The following MYO16 variants were observed in gnomAD, a reference collection of about 807,000 sequenced individuals.
MYO16 encodes myosin XVI.
A neutral mutation model predicts 205.3 loss-of-function variants in MYO16; 94 were observed. That is an observed-to-expected ratio of 0.46 (90% confidence interval 0.39 to 0.54). MYO16 has a LOEUF of 0.54. Ranked by LOEUF, MYO16 falls within the 20% of genes least tolerant of loss-of-function variation. MYO16 has a pLI of 0.00. For missense variants in MYO16, 2,315 were observed against 2,387.5 expected (o/e 0.97, Z 0.63); for synonymous variants, 988 against 954.0 (o/e 1.04, Z -0.66).
In MYO16 at chr13:108,672,830, G is replaced by C. The variant is rs370999380; in HGVS notation, c.292+6681G>C. ...TTAAAAATCAGAGAGGAAGTACATA[G>C]GGAAAATTTAAGAAGGAATGTGAAT... On this transcript the variant is annotated intron_variant, in intron 2 of 34. Transcript: ENST00000457511. Among the ~76,000 whole-genome samples the C allele has an allele frequency of 1.6e-4, 25 of 152,242 alleles. No homozygotes were observed. The East Asian group carries it at 4.6e-3, about 28-fold the overall frequency.
chr13:108,632,327 C>T (rs886954924), intron 1 of MYO16, among the ~76,000 whole-genome samples: 5 of 152,086 alleles, frequency 3.3e-5, no homozygotes, highest in Admixed American at 2.0e-4. Context: ...CACCATAGCA[C>T]GTTCACTTTC....
rs909675577 is a variant in MYO16, at chr13:108,936,018, T to C, written c.1926-21670T>C. Among the ~76,000 whole-genome samples the C allele has an allele frequency of 2.6e-5, 4 of 152,072 alleles. No homozygotes were observed. The South Asian group carries it at 8.3e-4, about 32-fold the overall frequency. ...GTGACTTAACTTTTTGATGTACTAT[T>C]GAATTTGTTTTGCTAGTATTTCGTT... On this transcript the variant is annotated intron_variant, in intron 16 of 34. Transcript: ENST00000457511.
intron 33 of MYO16, among the ~76,000 whole-genome samples, chr13:109,173,751 C>T (rs190930059): frequency 1.1e-3 from 169 of 151,828 alleles, no homozygotes; most frequent in Non-Finnish European, 1.8e-3. Context: ...AAAAATTAGC[C>T]GGGCGTGGTG....
chr13:108,802,850 A>G (rs1429412552), intron 6 of MYO16, among the ~76,000 whole-genome samples: 3 of 152,170 alleles, frequency 2.0e-5, no homozygotes, highest in East Asian at 1.9e-4. Flanking sequence ...TCTTGAGCCC[A>G]TTAGCCAATT....
the MYO16 span, among the ~76,000 whole-genome samples, chr13:108,578,019 T>C: frequency 6.6e-6 from 1 of 152,202 alleles, no homozygotes; most frequent in African/African-American, 2.4e-5. Context: ...CTTTATGTTT[T>C]GATCAAAAAA....
chr13:108,844,253 C>T (rs7989143), intron 9 of MYO16, 90 bp from the exon 10 acceptor site: 404,964 of 1,009,448 alleles, frequency 0.4, 84,750 homozygotes, highest in East Asian at 0.72. Flanking sequence ...ATAAAACCAC[C>T]GTCATAGTCC....
At chr13:108,884,293 G>C (rs887329272) in intron 13 of MYO16, among the ~76,000 whole-genome samples, 2 of 152,240 alleles carry the variant, frequency 1.3e-5, no homozygotes, top group Admixed American at 6.5e-5. Flanking sequence ...ACAGACTGAT[G>C]GGCGCACACT....
chr13:108,858,054 A>C (rs1878276336), intron 11 of MYO16, among the ~76,000 whole-genome samples: 1 of 152,210 alleles, frequency 6.6e-6, no homozygotes, highest in Non-Finnish European at 1.5e-5. Flanking sequence ...TGGGTAGACA[A>C]GCAATTTAAA....
At chr13:108,669,351 G>A (rs1240326028) in intron 2 of MYO16, among the ~76,000 whole-genome samples, 1 of 152,000 alleles carries the variant, frequency 6.6e-6, no homozygotes, top group African/African-American at 2.4e-5. Context: ...TGACTTGTTG[G>A]GAGCAAGAAT....
intron 4 of MYO16, among the ~76,000 whole-genome samples, chr13:108,755,197 C>T (rs930803668): frequency 1.2e-4 from 19 of 152,020 alleles, no homozygotes; most frequent in South Asian, 2.1e-4. Context: ...GCTGTCACAG[C>T]ACTCTGTGGT....
intron 16 of MYO16, among the ~76,000 whole-genome samples, chr13:108,923,484 G>T (rs1164465422): frequency 6.6e-6 from 1 of 152,254 alleles, no homozygotes; most frequent in Admixed American, 6.5e-5. Context: ...GGTAAGGGCA[G>T]TGGGGTTTCC....
intron 34 of MYO16, among the ~76,000 whole-genome samples, chr13:109,196,686 G>T (rs1212704901): frequency 6.6e-6 from 1 of 152,158 alleles, no homozygotes; most frequent in African/African-American, 2.4e-5. Context: ...AAGGGCTCCA[G>T]TAATACTGCC....
chr13:108,582,302 C>T, the MYO16 span, among the ~76,000 whole-genome samples: 3 of 152,080 alleles, frequency 2.0e-5, no homozygotes, highest in African/African-American at 7.2e-5. Flanking sequence ...TTCCTCTTGA[C>T]TTTGCATCTT....
intron 20 of MYO16, among the ~76,000 whole-genome samples, chr13:108,967,769 A>C (rs1883852403): frequency 2.6e-5 from 4 of 152,178 alleles, no homozygotes; most frequent in Non-Finnish European, 5.9e-5. Context: ...CATGTAAATT[A>C]CCTGGGGAAG....
intron 2 of MYO16, among the ~76,000 whole-genome samples, chr13:108,701,710 A>G (rs1883314240): frequency 6.6e-6 from 1 of 152,220 alleles, no homozygotes; most frequent in Admixed American, 6.5e-5. Flanking sequence ...AAAGTAGTCA[A>G]CAGAATCTGT....
At chr13:108,529,308 A>C in the MYO16 span, among the ~76,000 whole-genome samples, 403 of 152,286 alleles carry the variant, frequency 2.6e-3, 3 homozygotes, top group African/African-American at 8.9e-3. Context: ...CACTCCAGAA[A>C]CTAGCATGAG....
chr13:108,710,654 T>C (rs952011446), intron 2 of MYO16, among the ~76,000 whole-genome samples: 2 of 152,160 alleles, frequency 1.3e-5, no homozygotes, highest in Non-Finnish European at 2.9e-5. Context: ...AGACATAAAG[T>C]TCAGTAGCTT....
At chr13:108,670,852 A>G (rs928501081) in intron 2 of MYO16, among the ~76,000 whole-genome samples, 1 of 152,204 alleles carries the variant, frequency 6.6e-6, no homozygotes, top group African/African-American at 2.4e-5. Context: ...ATATAATATA[A>G]TCTTATCAAT....
chr13:109,079,617 C>T (rs561638290), intron 27 of MYO16, among the ~76,000 whole-genome samples: 10 of 151,998 alleles, frequency 6.6e-5, no homozygotes, highest in Non-Finnish European at 1.3e-4. Flanking sequence ...GCTAGGGACA[C>T]GGGGCATGAG....
Sources: gnomAD v4.1 joint callset for allele counts (sites outside exome capture counted in the v4.1 genomes callset) on GRCh38, gnomAD v4.1.1 for gene constraint, MANE v1.5 for transcripts, NCBI Gene and HGNC (gene_info 2026-07-23, HGNC 2026-07-21) for gene names.